SRSF10: variants seen among roughly 807,000 people sequenced by gnomAD.
SRSF10 encodes serine/arginine-rich splicing factor 10.
In SRSF10, 9 loss-of-function variants were observed where a neutral mutation model predicts 32.6. The observed-to-expected ratio is 0.28, with a 90% CI of 0.17 to 0.48. The LOEUF is 0.48. SRSF10 is among the 20% of genes least tolerant of loss of function. The pLI is 0.99. For synonymous variants in SRSF10, 105 were observed against 112.4 expected, an observed-to-expected ratio of 0.93 and a Z score of 0.42; for missense variants, 201 against 331.8, an observed-to-expected ratio of 0.61 and a Z score of 3.06.
rs1641543349 is a variant in SRSF10, at chr1:23,968,074, C to T, written c.*3068G>A. 2.7e-6 allele frequency: 4 copies of T among 1,493,494 alleles called. No homozygotes were observed. Among genetic ancestry groups the T allele is most frequent in the South Asian group, 1.3e-5 (1 of 76,822 alleles). 92.5% of individuals were successfully genotyped at this position (1,493,494 alleles called of 1,614,324 possible). A position where few individuals can be genotyped will look rare whatever the true frequency, so the allele number is the denominator to read the frequency against. ...ATTTATCATTGAGCCCAGTCATACA[C>T]AGTAGGTAAACTCAGTAAGTGGGGG... On this transcript the variant is annotated 3_prime_UTR_variant, in exon 6 of 6. Transcript: ENST00000492112.
chr1:23,978,769 A>G lies in SRSF10; in HGVS notation c.114T>C (p.Asp38=). The G allele has an allele frequency of 6.2e-7, 1 of 1,613,274 alleles. No individual in the cohort carries two copies. The highest frequency in any genetic ancestry group is 8.5e-7 in the Non-Finnish European group (1 of 1,179,504). Residue 38 remains aspartate (D), a synonymous_variant, in exon 2 of 6, where the codon GAT becomes GAC. Coordinates refer to ENST00000492112, the MANE Select transcript of SRSF10 (RefSeq NM_054016.4). ...REFGRYGPIV[D]VYVPLDFYTR... ...TGTAGAAATCAAGTGGAACATACAC[A>G]TCAACTATAGGACCATAACGACCAA...
chr1:23,973,622 T>C (rs1641904618), intron 3 of SRSF10, among the ~76,000 whole-genome samples: 1 of 152,102 alleles, frequency 6.6e-6, no homozygotes, highest in African/African-American at 2.4e-5. Flanking sequence ...CACCCACATA[T>C]TTTACATTTT....
In SRSF10 at chr1:23,967,525, T is replaced by C; in HGVS notation, c.*3617A>G. ...ACTTTCAAACTTGAAGGGACTTCAA[T>C]TATTCCATGTAGTTTTCGATAACAT... On this transcript the variant is annotated 3_prime_UTR_variant, in exon 6 of 6. Coordinates refer to ENST00000492112, the MANE Select transcript of SRSF10 (RefSeq NM_054016.4). 1 of 539,032 alleles carries C rather than the reference T, an allele frequency of 1.9e-6. No individual in the cohort carries two copies. Among genetic ancestry groups the C allele is most frequent in the Non-Finnish European group, 3.3e-6 (1 of 299,052 alleles). The allele number at this position is 539,032 out of a possible 1,614,324, so 33.4% of individuals were successfully genotyped here. A position where few individuals can be genotyped will look rare whatever the true frequency, so the allele number is the denominator to read the frequency against.
chr1:23,975,282 T>C, intron 2 of SRSF10: 2 of 532,586 alleles, frequency 3.8e-6, no homozygotes, highest in Non-Finnish European at 6.7e-6. Context: ...AGGCACACAT[T>C]TGAAAATGTA....
rs1570771537 is a variant in SRSF10 at position 23,971,774 on chromosome 1, AC to A, written c.437+75del. On this transcript the variant is annotated intron_variant, in intron 4 of 5. Coordinates refer to ENST00000492112, the MANE Select transcript of SRSF10 (RefSeq NM_054016.4). ...ATTCAATGTATATAATTAAAAGTAT[AC>A]AAAATAGTAAAAAAAAATTAAATGC... The A allele has an allele frequency of 7.2e-6, 11 of 1,517,752 alleles. No individual in the cohort carries two copies. In the East Asian group the frequency reaches 2.5e-4, roughly 34 times the overall value. The allele number at this position is 1,517,752 out of a possible 1,614,324, so 94.0% of individuals were successfully genotyped here. A position where few individuals can be genotyped will look rare whatever the true frequency, so the allele number is the denominator to read the frequency against.
In SRSF10 at chr1:23,978,737, C is replaced by T; in HGVS notation, c.146G>A (p.Arg49His). ...TTGAACATAAGCAAATCCTCTTGGA[C>T]GGCGAGTGTAGAAATCAAGTGGAAC... ...VYVPLDFYTR[R>H]PRGFAYVQFE... Residue 49 changes from arginine (R) to histidine (H), a missense_variant, in exon 2 of 6, where the codon CGT becomes CAT. Physicochemically the swap from Arg to His is conservative, Grantham distance 29 (BLOSUM62 0). Transcript: ENST00000492112. 1 of 1,612,920 alleles carries T rather than the reference C, an allele frequency of 6.2e-7. No individual in the cohort carries two copies. Among genetic ancestry groups the T allele is most frequent in the South Asian group, 1.1e-5 (1 of 90,962 alleles).
Position 23,971,995 on chromosome 1 carries a change from C to A in SRSF10, c.292G>T (p.Ala98Ser). 1 of 1,510,614 alleles carries A rather than the reference C, an allele frequency of 6.6e-7. No individual in the cohort carries two copies. The highest frequency in any genetic ancestry group is 1.4e-5 in the South Asian group (1 of 73,972). 93.6% of individuals were successfully genotyped at this position (1,510,614 alleles called of 1,614,324 possible). A position where few individuals can be genotyped will look rare whatever the true frequency, so the allele number is the denominator to read the frequency against. ...GDRKTPNQMK[A>S]KEGRNVYSSS... Reference sequence around the variant, plus strand: ...CTGTACACATTCCTCCCTTCCTTGGCTTTCATCTGATTTGGTGCTAGGAAA... The same window carrying A: ...CTGTACACATTCCTCCCTTCCTTGGATTTCATCTGATTTGGTGCTAGGAAA... The change falls in exon 4 of 6, where the codon GCC becomes TCC. Residue 98 changes from alanine to serine, a missense_variant. Ala to Ser is a moderately conservative substitution (Grantham distance 99). Transcript: ENST00000492112.
chr1:23,978,828 AT>A lies in SRSF10; in HGVS notation c.66-12del. ...CGCAAGTCTTCAGACCTAAAACATC[AT>A]AAAAAGACCTCAAATTTTTATGTCC... On this transcript the variant is annotated splice_polypyrimidine_tract_variant and intron_variant, in intron 1 of 5. Transcript: ENST00000492112. The A allele has an allele frequency of 6.3e-7, 1 of 1,594,866 alleles. No individual in the cohort carries two copies. The highest frequency in any genetic ancestry group is 1.1e-5 in the South Asian group (1 of 87,698).
chr1:23,970,986 CA>C lies in SRSF10; in HGVS notation c.*155del, dbSNP rs1330994188. ...TGGACTCTTAAGAGTGGCTTCTCAA[CA>C]GCATATCATTTTAATTATAACCATT... is the stretch of plus-strand genomic sequence containing the variant. On this transcript the variant is annotated 3_prime_UTR_variant, in exon 6 of 6. Transcript: ENST00000492112. 7.1e-5 allele frequency: 102 copies of C among 1,439,134 alleles called. No homozygotes were observed. Among genetic ancestry groups the C allele is most frequent in the Non-Finnish European group, 8.8e-5 (97 of 1,102,662 alleles). 89.1% of individuals were successfully genotyped at this position (1,439,134 alleles called of 1,614,324 possible).
intron 2 of SRSF10, chr1:23,978,047 A>G: frequency 1.0e-6 from 1 of 985,362 alleles, no homozygotes; most frequent in Non-Finnish European, 1.2e-6. Context: ...ACTTTGAAAA[A>G]CAACCTTTTC....
intron 2 of SRSF10, chr1:23,975,615 C>A (rs929470456): frequency 6.6e-6 from 1 of 152,406 alleles, no homozygotes; most frequent in Non-Finnish European, 1.5e-5. Context: ...ATATCTAATA[C>A]TACTATTTCA....
chr1:23,971,865 G>C lies in SRSF10; in HGVS notation c.422C>G (p.Ser141Trp), dbSNP rs867013895. ...GCACACTTACTTTCTAGGACTATAC[G>C]ATCTTCTATAGTTGTAATCAAAAGA... ...SRSFDYNYRR[S>W]YSPRNSRPTG... Residue 141 changes from serine to tryptophan, a missense_variant, in exon 4 of 6, where the codon TCG (serine) becomes TGG (tryptophan). Around this residue, in one of 3 missense-constraint regions of SRSF10, gnomAD observed 159 missense variants for 196.7 expected, o/e 0.81. Transcript: ENST00000492112. 6.2e-7 allele frequency: 1 copy of C among 1,607,324 alleles called. No individual in the cohort carries two copies. Among genetic ancestry groups the C allele is most frequent in the South Asian group, 1.1e-5 (1 of 89,770 alleles).
rs202230939 is a variant in SRSF10, at chr1:23,970,550, G to T, written c.*592C>A. The T allele has an allele frequency of 1.8e-6, 1 of 555,878 alleles. No homozygotes were observed. The allele number at this position is 555,878 out of a possible 1,614,324, so 34.4% of individuals were successfully genotyped here. On this transcript the variant is annotated 3_prime_UTR_variant, in exon 6 of 6. Coordinates refer to ENST00000492112, the MANE Select transcript of SRSF10 (RefSeq NM_054016.4). ...TAATTTTTGTATTTTTAGTAGAGAC[G>T]GGGTTTCACCGTGTTGGTCAGGCTG...
In SRSF10 at chr1:23,965,791, A is replaced by T. The variant is rs1490274418; in HGVS notation, c.*5351T>A. On this transcript the variant is annotated 3_prime_UTR_variant, in exon 6 of 6. Coordinates refer to ENST00000492112, the MANE Select transcript of SRSF10 (RefSeq NM_054016.4). ...TTGTAGTTATATATGTATTTACCTA[A>T]TTTTTTTTAAACAAAACCCCAACTC... The T allele has an allele frequency of 1.3e-5, 2 of 151,666 alleles. No individual in the cohort carries two copies. Among genetic ancestry groups the T allele is most frequent in the African/African-American group, 2.4e-5 (1 of 41,320 alleles). 9.4% of individuals were successfully genotyped at this position (151,666 alleles called of 1,614,324 possible).
chr1:23,964,506 A>G lies in SRSF10; in HGVS notation c.*6636T>C, dbSNP rs1363665741. ...CTGTGAACCTTAGGTAAATGCTGTA[A>G]TTTCAATTTGTCTTCTTTTCGATGG... is the stretch of plus-strand genomic sequence containing the variant. On this transcript the variant is annotated 3_prime_UTR_variant, in exon 6 of 6. Transcript: ENST00000492112. 6.6e-6 allele frequency among the ~76,000 whole-genome samples: 1 copy of G among 151,982 alleles called. No homozygotes were observed.
In SRSF10 at chr1:23,971,010, A is replaced by G; in HGVS notation, c.*132T>C. 6.8e-7 allele frequency: 1 copy of G among 1,478,554 alleles called. No individual in the cohort carries two copies. Among genetic ancestry groups the G allele is most frequent in the Non-Finnish European group, 8.9e-7 (1 of 1,121,788 alleles). 91.6% of individuals were successfully genotyped at this position (1,478,554 alleles called of 1,614,324 possible). ...ACAGCATATCATTTTAATTATAACC[A>G]TTGCCTGGTACAGGGAAAACTAACA... is the stretch of plus-strand genomic sequence containing the variant. On this transcript the variant is annotated 3_prime_UTR_variant, in exon 6 of 6. Coordinates refer to ENST00000492112, the MANE Select transcript of SRSF10 (RefSeq NM_054016.4).
In SRSF10 at chr1:23,974,959, C is replaced by T. The variant is rs1052523575; in HGVS notation, c.274+15G>A. ...AAAATAATGTTTCATACATATCAGGCATAAGGGTACTTACTCTTTCGATCC... is the reference window on the plus strand; with the variant it reads ...AAAATAATGTTTCATACATATCAGGTATAAGGGTACTTACTCTTTCGATCC... On this transcript the variant is annotated intron_variant, in intron 3 of 5. Coordinates refer to ENST00000492112, the MANE Select transcript of SRSF10 (RefSeq NM_054016.4). 1.3e-5 allele frequency: 21 copies of T among 1,557,584 alleles called. No homozygotes were observed. The African/African-American group carries it at 2.4e-4, about 18-fold the overall frequency.
chr1:23,974,931 T>C, intron 3 of SRSF10, 43 bp downstream of exon 3: 1 of 1,400,460 alleles, frequency 7.1e-7, no homozygotes, highest in South Asian at 1.2e-5. Context: ...CTCAAAACAC[T>C]AAAAAATAAT....
At position 23,971,137 on chromosome 1, in the gene SRSF10, T is replaced by C; in HGVS notation, c.*5A>G. 2 of 1,597,670 alleles carry C rather than the reference T, an allele frequency of 1.3e-6. No individual in the cohort carries two copies. The highest frequency in any genetic ancestry group is 1.7e-6 in the Non-Finnish European group (2 of 1,174,146). Reference sequence around the variant, plus strand: ...CATGCCTAAAAATGACCATGGTTTATACTATCAGTGGCCACTGGACTTAGG... The same window carrying C: ...CATGCCTAAAAATGACCATGGTTTACACTATCAGTGGCCACTGGACTTAGG... On this transcript the variant is annotated 3_prime_UTR_variant, in exon 6 of 6. Coordinates refer to ENST00000492112, the MANE Select transcript of SRSF10 (RefSeq NM_054016.4).
Sources: gnomAD v4.1 joint callset for allele counts (sites outside exome capture counted in the v4.1 genomes callset) on GRCh38, gnomAD v4.1.1 for gene constraint, gnomAD v4.1.1 regional missense constraint, MANE v1.5 for transcripts, NCBI Gene and HGNC (gene_info 2026-07-23, HGNC 2026-07-21) for gene names.